Variants in ZDHHC21 observed in about 807,000 individuals in gnomAD.
The protein encoded by ZDHHC21 is palmitoyltransferase ZDHHC21.
A neutral mutation model predicts 34.6 loss-of-function variants in ZDHHC21; 15 were observed. That is an observed-to-expected ratio of 0.43 (90% CI 0.29 to 0.67). ZDHHC21 has a LOEUF of 0.67. Ranked by LOEUF, ZDHHC21 falls within the 30% of genes least tolerant of loss-of-function variation. The pLI is 0.14. For synonymous variants in ZDHHC21, 142 were observed against 101.8 expected (o/e 1.40, Z -2.38); for missense variants, 344 against 327.7 (o/e 1.05, Z -0.38).
chr9:14,692,900 A>G (rs1001203305), intron 1 of ZDHHC21, among the ~76,000 whole-genome samples: 13 of 151,948 alleles, frequency 8.6e-5, no homozygotes, highest in Non-Finnish European at 1.6e-4. Context: ...ACAGATTTAA[A>G]ATAAATAAAT....
chr9:14,675,672 C>A (rs918116577), intron 3 of ZDHHC21, among the ~76,000 whole-genome samples: 4 of 151,948 alleles, frequency 2.6e-5, no homozygotes, highest in Admixed American at 6.6e-5. Context: ...AAGACATGGT[C>A]TTTGCTTAAA....
At chr9:14,595,526 CT>C in the ZDHHC21 span, among the ~76,000 whole-genome samples, 39 of 152,212 alleles carry the variant, frequency 2.6e-4, no homozygotes, top group East Asian at 5.8e-3. Context: ...TGGAAATGTT[CT>C]AAAACTGAAT....
intron 7 of ZDHHC21, among the ~76,000 whole-genome samples, chr9:14,658,015 T>C (rs1208413165): frequency 6.6e-6 from 1 of 152,188 alleles, no homozygotes; most frequent in African/African-American, 2.4e-5. Context: ...GGATAACTTT[T>C]TAAAGCATCC....
chr9:14,660,894 G>A (rs114680518), intron 6 of ZDHHC21, among the ~76,000 whole-genome samples: 2 of 151,928 alleles, frequency 1.3e-5, no homozygotes, highest in African/African-American at 2.4e-5. Flanking sequence ...AATAAGAAGC[G>A]CTTAAAAACT....
At chr9:14,675,521 G>A (rs943262299) in intron 3 of ZDHHC21, among the ~76,000 whole-genome samples, 11 of 151,838 alleles carry the variant, frequency 7.2e-5, no homozygotes, top group African/African-American at 2.7e-4. Context: ...GCTGACTGGT[G>A]TCTAGGAAGC....
intron 7 of ZDHHC21, among the ~76,000 whole-genome samples, chr9:14,650,634 C>G (rs966179102): frequency 1.3e-5 from 2 of 151,928 alleles, no homozygotes; most frequent in Admixed American, 1.3e-4. Flanking sequence ...ATATTCAAAG[C>G]TACCTGCAGC....
chr9:14,653,493 G>C (rs1001990946), intron 7 of ZDHHC21, among the ~76,000 whole-genome samples: 2 of 151,948 alleles, frequency 1.3e-5, no homozygotes, highest in Admixed American at 1.3e-4. Context: ...TTGTTATACT[G>C]CTGGAATTTT....
intron 8 of ZDHHC21, among the ~76,000 whole-genome samples, chr9:14,629,162 T>C (rs1826861309): frequency 6.6e-6 from 1 of 152,238 alleles, no homozygotes; most frequent in South Asian, 2.1e-4. Flanking sequence ...AGAGGTGTAA[T>C]TGCTATAGAT....
At chr9:14,687,268 T>C (rs1022887572) in intron 2 of ZDHHC21, among the ~76,000 whole-genome samples, 1 of 150,782 alleles carries the variant, frequency 6.6e-6, no homozygotes, top group African/African-American at 2.5e-5. Flanking sequence ...TTTACATTTA[T>C]AGTTATCAGA....
the ZDHHC21 span, among the ~76,000 whole-genome samples, chr9:14,597,078 C>A: frequency 1.3e-5 from 2 of 152,070 alleles, no homozygotes; most frequent in Non-Finnish European, 2.9e-5. Flanking sequence ...CCCTCACAGG[C>A]CCTGAGACTA....
At chr9:14,679,774 C>T (rs966120659) in intron 3 of ZDHHC21, among the ~76,000 whole-genome samples, 20 of 152,044 alleles carry the variant, frequency 1.3e-4, no homozygotes, top group African/African-American at 3.9e-4. Context: ...CAGAAGGATT[C>T]GCTGTAAAGC....
chr9:14,677,359 G>A (rs1482838929), intron 3 of ZDHHC21: 1 of 151,916 alleles, frequency 6.6e-6, no homozygotes, highest in African/African-American at 2.4e-5. Context: ...ACAAAACAGT[G>A]ATCTTCCAAG....
chr9:14,688,540 C>T (rs1465331795), intron 2 of ZDHHC21, among the ~76,000 whole-genome samples: 1 of 148,916 alleles, frequency 6.7e-6, no homozygotes, highest in Non-Finnish European at 1.5e-5. Flanking sequence ...CTGGGCAACA[C>T]AGCCAGACCT....
intron 3 of ZDHHC21, among the ~76,000 whole-genome samples, 154 bp downstream of exon 3, chr9:14,679,879 G>T (rs920641077): frequency 6.6e-6 from 1 of 151,992 alleles, no homozygotes; most frequent in African/African-American, 2.4e-5. Flanking sequence ...AAGAAAACAG[G>T]TTTGGTTAAA....
intron 2 of ZDHHC21, among the ~76,000 whole-genome samples, chr9:14,690,131 G>C (rs1190526023): frequency 6.6e-6 from 1 of 152,184 alleles, no homozygotes; most frequent in East Asian, 1.9e-4. Flanking sequence ...GAAATGAAGA[G>C]GCCCAGGCTT....
At chr9:14,675,149 A>T in intron 3 of ZDHHC21, among the ~76,000 whole-genome samples, 1 of 151,960 alleles carries the variant, frequency 6.6e-6, no homozygotes, top group East Asian at 1.9e-4. Context: ...TTTTTAGTTG[A>T]GTGTTAACAA....
chr9:14,591,018 T>G, the ZDHHC21 span, among the ~76,000 whole-genome samples: 1 of 152,142 alleles, frequency 6.6e-6, no homozygotes, highest in Non-Finnish European at 1.5e-5. Context: ...TACATTATAC[T>G]TGAAGTAGCA....
At chr9:14,692,196 G>C (rs556096479) in intron 1 of ZDHHC21, among the ~76,000 whole-genome samples, 8 of 152,284 alleles carry the variant, frequency 5.3e-5, no homozygotes, top group South Asian at 4.2e-4. Context: ...TAAAGAGTTG[G>C]AAGAATTTAA....
intron 8 of ZDHHC21, among the ~76,000 whole-genome samples, chr9:14,630,765 C>CA (rs994285159): frequency 6.6e-6 from 1 of 152,160 alleles, no homozygotes; most frequent in Non-Finnish European, 1.5e-5. Flanking sequence ...ATATCTTCAT[C>CA]AGAGCTCTTG....
Sources: allele counts gnomAD v4.1 joint callset (sites outside exome capture counted in the v4.1 genomes callset), GRCh38; gene constraint gnomAD v4.1.1; transcripts MANE v1.5; gene names NCBI Gene and HGNC (gene_info 2026-07-23, HGNC 2026-07-21).